NAALADL2: variants seen among roughly 807,000 people sequenced by gnomAD.
The protein encoded by NAALADL2 is inactive N-acetylated-alpha-linked acidic dipeptidase-like protein 2.
Under a neutral mutation model 87.2 loss-of-function variants are expected in NAALADL2, and 76 were observed. The observed-to-expected ratio is 0.87, with a 90% confidence interval of 0.72 to 1.05. The LOEUF (loss-of-function observed/expected upper bound fraction) is 1.05, where lower values mean the gene tolerates loss of function less well. Ranked by LOEUF, NAALADL2 falls within the 50% of genes least tolerant of loss-of-function variation. The pLI is 0.00. For missense variants in NAALADL2, 1,089 were observed against 945.8 expected (o/e 1.15, Z -1.99); for synonymous variants, 354 against 331.0 (o/e 1.07, Z -0.75).
Position 175,028,643 on chromosome 3 carries a change from G to T in NAALADL2, c.44-68147G>T, listed in dbSNP as rs563944191. Among the ~76,000 whole-genome samples, 4 of 151,994 alleles carry T rather than the reference G, an allele frequency of 2.6e-5. No individual in the cohort carries two copies. In the South Asian group the frequency reaches 8.3e-4, roughly 32 times the overall value. Reference sequence around the variant, plus strand: ...AAATTTTATACATTAAAATGTCAGAGTATCTTTTAAATTTACCAAATCAAT... The same window carrying T: ...AAATTTTATACATTAAAATGTCAGATTATCTTTTAAATTTACCAAATCAAT... On this transcript the variant is annotated intron_variant, in intron 1 of 13. Coordinates refer to ENST00000454872, the MANE Select transcript of NAALADL2 (RefSeq NM_207015.3).
chr3:175,011,231 C>T (rs1324865132), intron 1 of NAALADL2, among the ~76,000 whole-genome samples: 1 of 126,822 alleles, frequency 7.9e-6, no homozygotes, highest in East Asian at 2.2e-4. Flanking sequence ...ACAGATTCAG[C>T]CACAGAGAGA....
intron 2 of NAALADL2, among the ~76,000 whole-genome samples, chr3:175,220,228 G>A (rs1000033329): frequency 6.6e-6 from 1 of 151,654 alleles, no homozygotes; most frequent in African/African-American, 2.4e-5. Flanking sequence ...AAGTTTTGTT[G>A]CCTCATAAAA....
intron 6 of NAALADL2, among the ~76,000 whole-genome samples, chr3:175,455,050 A>C (rs568328757): frequency 6.6e-6 from 1 of 152,254 alleles, no homozygotes; most frequent in African/African-American, 2.4e-5. Context: ...TGAAAGGGCA[A>C]GAAGAGAGAG....
At chr3:175,448,765 A>G (rs1335150408) in intron 6 of NAALADL2, among the ~76,000 whole-genome samples, 3 of 152,300 alleles carry the variant, frequency 2.0e-5, no homozygotes, top group Non-Finnish European at 4.4e-5. Flanking sequence ...CTAGAGTGCA[A>G]GTGGCTTAAT....
At chr3:175,770,159 C>T (rs552135841) in intron 13 of NAALADL2, among the ~76,000 whole-genome samples, 10 of 152,166 alleles carry the variant, frequency 6.6e-5, no homozygotes, top group East Asian at 1.9e-4. Context: ...TACATTGACA[C>T]GTAAAATTAA....
chr3:175,510,298 G>A (rs972054811), intron 9 of NAALADL2, among the ~76,000 whole-genome samples: 3 of 152,000 alleles, frequency 2.0e-5, no homozygotes, highest in Non-Finnish European at 4.4e-5. Flanking sequence ...TCTCTCCTAC[G>A]ATATACAGGG....
chr3:175,199,348 T>C (rs1739462229), intron 2 of NAALADL2, among the ~76,000 whole-genome samples: 1 of 152,108 alleles, frequency 6.6e-6, no homozygotes, highest in Non-Finnish European at 1.5e-5. Context: ...CAGCTGTCTT[T>C]AGAAGTCACA....
chr3:175,087,530 T>G (rs1258886356), intron 1 of NAALADL2, among the ~76,000 whole-genome samples: 1 of 152,206 alleles, frequency 6.6e-6, no homozygotes, highest in Non-Finnish European at 1.5e-5. Context: ...TAGAAAGAAG[T>G]AGACATAGGA....
intron 1 of NAALADL2, among the ~76,000 whole-genome samples, chr3:174,963,704 G>A (rs1235684055): frequency 2.0e-5 from 3 of 152,048 alleles, no homozygotes; most frequent in South Asian, 4.1e-4. Flanking sequence ...GTAGTACTTG[G>A]CACATATTAC....
chr3:175,162,365 A>G (rs1045989183), intron 2 of NAALADL2, among the ~76,000 whole-genome samples: 1 of 152,194 alleles, frequency 6.6e-6, no homozygotes, highest in African/African-American at 2.4e-5. Flanking sequence ...ATAGATATCC[A>G]CAATAATGCA....
intron 1 of NAALADL2, among the ~76,000 whole-genome samples, chr3:174,974,662 T>G (rs994185887): frequency 6.6e-6 from 1 of 152,142 alleles, no homozygotes; most frequent in Non-Finnish European, 1.5e-5. Flanking sequence ...AACAGAAAAG[T>G]TGGAAGATGC....
intron 4 of NAALADL2, among the ~76,000 whole-genome samples, chr3:175,314,698 A>AGTTTTAAC (rs1287705242): frequency 1.0e-5 from 1 of 97,856 alleles, no homozygotes; most frequent in African/African-American, 3.8e-5. Flanking sequence ...ATATATATAT[A>AGTTTTAAC]TATATATATA....
At chr3:174,789,893 T>C (rs1309975013) in intron 3 of NAALADL2, among the ~76,000 whole-genome samples, 1 of 151,994 alleles carries the variant, frequency 6.6e-6, no homozygotes, top group East Asian at 1.9e-4. Flanking sequence ...TGCTGAGGAG[T>C]GCTGGCTACC....
At chr3:175,585,746 G>C (rs190956223) in intron 10 of NAALADL2, among the ~76,000 whole-genome samples, 1 of 151,992 alleles carries the variant, frequency 6.6e-6, no homozygotes, top group East Asian at 1.9e-4. Context: ...AAAAAATAAA[G>C]ATATGATGAC....
intron 2 of NAALADL2, among the ~76,000 whole-genome samples, chr3:174,576,976 T>C (rs1328931799): frequency 1.3e-5 from 2 of 152,128 alleles, no homozygotes; most frequent in African/African-American, 2.4e-5. Context: ...ATTTTTTTTC[T>C]AAACGAGAGA....
At chr3:174,449,999 T>C (rs538321490) in intron 1 of NAALADL2, among the ~76,000 whole-genome samples, 5 of 148,920 alleles carry the variant, frequency 3.4e-5, no homozygotes, top group Non-Finnish European at 5.9e-5. Context: ...TACACACACA[T>C]ATATATACAC....
At chr3:175,101,637 A>C (rs1722201569) in intron 2 of NAALADL2, among the ~76,000 whole-genome samples, 1 of 152,240 alleles carries the variant, frequency 6.6e-6, no homozygotes, top group Middle Eastern at 3.2e-3. Context: ...TCTGAAGATC[A>C]TAAGCAAATT....
intron 5 of NAALADL2, among the ~76,000 whole-genome samples, chr3:175,384,431 T>C (rs982257484): frequency 1.3e-5 from 2 of 152,064 alleles, no homozygotes; most frequent in Non-Finnish European, 2.9e-5. Flanking sequence ...TTTATCATTA[T>C]ATCCTCAGAA....
intron 2 of NAALADL2, among the ~76,000 whole-genome samples, chr3:175,164,673 A>C (rs1733733098): frequency 6.6e-6 from 1 of 152,192 alleles, no homozygotes; most frequent in Non-Finnish European, 1.5e-5. Flanking sequence ...ATGATGTGGA[A>C]GTTAAGTTCT....
Sources: allele counts gnomAD v4.1 joint callset (sites outside exome capture counted in the v4.1 genomes callset), GRCh38; gene constraint gnomAD v4.1.1; transcripts MANE v1.5; gene names NCBI Gene and HGNC (gene_info 2026-07-23, HGNC 2026-07-21).